Variants in ZNRF2 observed in about 807,000 individuals in gnomAD.
ZNRF2 encodes the protein zinc and ring finger 2, also known as E3 ubiquitin-protein ligase ZNRF2.
A neutral mutation model predicts 20.4 loss-of-function variants in ZNRF2; 16 were observed. That is an observed-to-expected ratio of 0.79 (90% confidence interval 0.53 to 1.19). The LOEUF is 1.19. Ranked by LOEUF, ZNRF2 falls within the 50% of genes most tolerant of loss-of-function variation. ZNRF2 has a pLI of 0.00. For missense variants in ZNRF2, 363 were observed against 332.4 expected (o/e 1.09, Z -0.72); for synonymous variants, 178 against 144.9 (o/e 1.23, Z -1.64).
At chr7:30,346,165 G>T (rs1799874050) in intron 2 of ZNRF2, among the ~76,000 whole-genome samples, 2 of 67,470 alleles carry the variant, frequency 3.0e-5, no homozygotes, top group Admixed American at 1.5e-4. Flanking sequence ...TTTCTGTTAA[G>T]TCTGATTTTT....
intron 2 of ZNRF2, among the ~76,000 whole-genome samples, chr7:30,332,533 C>T (rs1799651897): frequency 6.6e-6 from 1 of 152,138 alleles, no homozygotes; most frequent in Non-Finnish European, 1.5e-5. Flanking sequence ...CCTCTCTTCC[C>T]ACTTTTGGAG....
chr7:30,287,268 C>T (rs1355661275), intron 1 of ZNRF2, among the ~76,000 whole-genome samples: 2 of 152,146 alleles, frequency 1.3e-5, no homozygotes, highest in African/African-American at 2.4e-5. Flanking sequence ...AAGGCAGTTT[C>T]TGAGAATTGG....
At chr7:30,309,169 A>G (rs1195162914) in intron 1 of ZNRF2, among the ~76,000 whole-genome samples, 2 of 152,178 alleles carry the variant, frequency 1.3e-5, no homozygotes, top group African/African-American at 4.8e-5. Flanking sequence ...TAAAAATTCT[A>G]AAATAATGGC....
chr7:30,313,754 A>G (rs971819710), intron 1 of ZNRF2, among the ~76,000 whole-genome samples: 2 of 151,858 alleles, frequency 1.3e-5, no homozygotes, highest in African/African-American at 2.4e-5. Context: ...ATAAAAAACT[A>G]CTTAACCTCC....
intron 2 of ZNRF2, among the ~76,000 whole-genome samples, chr7:30,345,029 G>A (rs959018689): frequency 2.0e-5 from 3 of 151,956 alleles, no homozygotes; most frequent in Admixed American, 2.0e-4. Flanking sequence ...TTTTATGACC[G>A]GTATCAACTA....
chr7:30,335,090 A>G (rs903277138), intron 2 of ZNRF2, among the ~76,000 whole-genome samples: 1 of 152,186 alleles, frequency 6.6e-6, no homozygotes, highest in Non-Finnish European at 1.5e-5. Flanking sequence ...GAAAGCCTGA[A>G]GTAGGATTGA....
chr7:30,353,889 T>A (rs1362573981), intron 2 of ZNRF2, among the ~76,000 whole-genome samples: 1 of 152,154 alleles, frequency 6.6e-6, no homozygotes, highest in Non-Finnish European at 1.5e-5. Flanking sequence ...GGTATACCTT[T>A]GTGATGAAAA....
At chr7:30,307,037 G>A (rs747360069) in intron 1 of ZNRF2, among the ~76,000 whole-genome samples, 1 of 151,972 alleles carries the variant, frequency 6.6e-6, no homozygotes, top group Non-Finnish European at 1.5e-5. Flanking sequence ...TCTGGAACCA[G>A]TAGTTTAATG....
chr7:30,361,941 CAT>C (rs1177299504), intron 3 of ZNRF2, among the ~76,000 whole-genome samples: 4 of 152,036 alleles, frequency 2.6e-5, no homozygotes, highest in Admixed American at 2.0e-4. Flanking sequence ...TCAATAATCA[CAT>C]ATAAATATAG....
At chr7:30,343,175 C>T (rs980603628) in intron 2 of ZNRF2, among the ~76,000 whole-genome samples, 2 of 152,028 alleles carry the variant, frequency 1.3e-5, no homozygotes, top group Non-Finnish European at 2.9e-5. Flanking sequence ...GTCAACCAAG[C>T]GTGGTGGTGC....
intron 1 of ZNRF2, among the ~76,000 whole-genome samples, chr7:30,305,784 G>A (rs1187392693): frequency 6.6e-6 from 1 of 152,006 alleles, no homozygotes; most frequent in Admixed American, 6.6e-5. Context: ...TTTCCTACTT[G>A]TTTGTTTAGT....
At chr7:30,318,178 G>C (rs1373738516) in intron 1 of ZNRF2, among the ~76,000 whole-genome samples, 1 of 152,134 alleles carries the variant, frequency 6.6e-6, no homozygotes, top group African/African-American at 2.4e-5. Context: ...TGACATAGGA[G>C]GGAGGTTCAT....
At chr7:30,344,461 T>C (rs1799846109) in intron 2 of ZNRF2, among the ~76,000 whole-genome samples, 1 of 152,158 alleles carries the variant, frequency 6.6e-6, no homozygotes, top group Admixed American at 6.5e-5. Context: ...TTTTAGTTGT[T>C]ACATTACCTA....
At chr7:30,325,860 A>G (rs758704787) in intron 2 of ZNRF2, among the ~76,000 whole-genome samples, 11 of 152,214 alleles carry the variant, frequency 7.2e-5, no homozygotes, top group Admixed American at 5.2e-4. Flanking sequence ...TTAGTTATTT[A>G]AGAAATAGAA....
At chr7:30,293,002 A>T (rs1051680853) in intron 1 of ZNRF2, among the ~76,000 whole-genome samples, 2 of 152,208 alleles carry the variant, frequency 1.3e-5, no homozygotes, top group African/African-American at 4.8e-5. Flanking sequence ...GCAAGGAGGC[A>T]AAAATCCAGA....
At chr7:30,323,882 C>A in intron 2 of ZNRF2, 145 bp downstream of exon 2, 1 of 505,810 alleles carries the variant, frequency 2.0e-6, no homozygotes, top group Non-Finnish European at 3.2e-6. Context: ...TTCTCAAATT[C>A]TGTGATCTCA....
intron 2 of ZNRF2, among the ~76,000 whole-genome samples, chr7:30,346,228 T>C (rs1467674582): frequency 1.4e-5 from 2 of 145,428 alleles, no homozygotes; most frequent in African/African-American, 5.2e-5. Flanking sequence ...CATTTTGCTC[T>C]TGTTGCCCAG....
Position 30,367,089 on chromosome 7 carries a change from GT to G in ZNRF2, c.*1080del, listed in dbSNP as rs1800228631. ...AACTGTAATTTAATTGGGATGCCAG[GT>G]TTATAGCAATTTGCAACTTTAATTT... On this transcript the variant is annotated 3_prime_UTR_variant, in exon 5 of 5. Transcript: ENST00000323037. 1 of 152,448 alleles carries G rather than the reference GT, an allele frequency of 6.6e-6. No individual in the cohort carries two copies. Among genetic ancestry groups the G allele is most frequent in the Non-Finnish European group, 1.5e-5 (1 of 67,934 alleles). The allele number at this position is 152,448 out of a possible 1,614,324, so 9.4% of individuals were successfully genotyped here. A position where few individuals can be genotyped will look rare whatever the true frequency, so the allele number is the denominator to read the frequency against.
At chr7:30,357,057 A>G (rs1043967972) in intron 3 of ZNRF2, among the ~76,000 whole-genome samples, 6 of 152,312 alleles carry the variant, frequency 3.9e-5, no homozygotes, top group Admixed American at 1.3e-4. Context: ...ATTTATCATC[A>G]TAATGGAACA....
Sources: gnomAD v4.1 joint callset for allele counts (sites outside exome capture counted in the v4.1 genomes callset) on GRCh38, gnomAD v4.1.1 for gene constraint, MANE v1.5 for transcripts, NCBI Gene and HGNC (gene_info 2026-07-23, HGNC 2026-07-21) for gene names.